FAM83H: variants seen among roughly 807,000 people sequenced by gnomAD.
FAM83H encodes scaffolding CK1 anchoring protein H, also known as protein FAM83H.
A neutral mutation model predicts 30.2 loss-of-function variants in FAM83H; 24 were observed. That is an observed-to-expected ratio of 0.79 (90% confidence interval 0.57 to 1.12). FAM83H has a LOEUF of 1.12. Among genes scored for constraint, FAM83H ranks in the 50% most tolerant of loss-of-function variants. FAM83H has a pLI of 0.00. For missense variants in FAM83H, 2,038 were observed against 1,773.9 expected (o/e 1.15, Z -2.67); for synonymous variants, 1,013 against 821.7 (o/e 1.23, Z -3.98).
intron 1 of FAM83H, chr8:143,732,202 G>C: frequency 1.0e-6 from 1 of 985,434 alleles, no homozygotes; most frequent in Non-Finnish European, 1.2e-6. Context: ...TGAGACATGG[G>C]AAATACCTGG....
Position 143,725,718 on chromosome 8 carries a change from T to A in FAM83H, c.*203A>T. ...GTGGCGAGGGGTGCAGCCCCAGCGTTGGGGAGGCCAGGGGGCAGAGACGGC... is the reference window on the plus strand; with the variant it reads ...GTGGCGAGGGGTGCAGCCCCAGCGTAGGGGAGGCCAGGGGGCAGAGACGGC... On this transcript the variant is annotated 3_prime_UTR_variant, in exon 5 of 5. Transcript: ENST00000388913. 1 of 795,598 alleles carries A rather than the reference T, an allele frequency of 1.3e-6. No individual in the cohort carries two copies. The highest frequency in any genetic ancestry group is 1.9e-6 in the Non-Finnish European group (1 of 512,888). The allele number at this position is 795,598 out of a possible 1,614,324, so 49.3% of individuals were successfully genotyped here.
At position 143,726,155 on chromosome 8, in the gene FAM83H, C is replaced by G; in HGVS notation, c.3306G>C (p.Gln1102His). Reference sequence around the variant, plus strand: ...CTGGCAGCGTGCGGCTCAGCCGGCCCTGGGTCCCCAAGCTGTCCGAGCGGA... The same window carrying G: ...CTGGCAGCGTGCGGCTCAGCCGGCCGTGGGTCCCCAAGCTGTCCGAGCGGA... The part of the protein sequence containing the change: ...AIFRSDSLGT[Q>H]GRLSRTLPAS... Residue 1102 changes from glutamine to histidine, a missense_variant, in exon 5 of 5, where the codon CAG becomes CAC. Gln to His is a conservative substitution (Grantham distance 24). Coordinates refer to ENST00000388913, the MANE Select transcript of FAM83H (RefSeq NM_198488.5). 1 of 1,611,864 alleles carries G rather than the reference C, an allele frequency of 6.2e-7. No individual in the cohort carries two copies. Among genetic ancestry groups the G allele is most frequent in the Non-Finnish European group, 8.5e-7 (1 of 1,179,516 alleles).
In FAM83H at chr8:143,727,805, G is replaced by A. The variant is rs1554622897; in HGVS notation, c.1656C>T (p.Ala552=). The part of the protein sequence containing the change: ...PNLTQRFPCQ[A]AARPGPDPAP... ...CGGGGTCTGGGCCCGGCCTCGCCGC[G>A]GCCTGGCATGGGAAGCGCTGGGTCA... is the stretch of plus-strand genomic sequence containing the variant. Residue 552 remains alanine, a synonymous_variant, in exon 5 of 5, where the codon GCC becomes GCT. Transcript: ENST00000388913. The A allele has an allele frequency of 1.7e-5, 23 of 1,338,732 alleles. No homozygotes were observed. Among genetic ancestry groups the A allele is most frequent in the East Asian group, 1.3e-4 (4 of 31,170 alleles). The allele number at this position is 1,338,732 out of a possible 1,614,324, so 82.9% of individuals were successfully genotyped here. A position where few individuals can be genotyped will look rare whatever the true frequency, so the allele number is the denominator to read the frequency against.
chr8:143,731,613 G>T, intron 1 of FAM83H: 1 of 985,436 alleles, frequency 1.0e-6, no homozygotes, highest in Non-Finnish European at 1.2e-6. Context: ...TCTTGTCACT[G>T]TCCCTCTCAG....
In FAM83H at chr8:143,725,857, G is replaced by A. The variant is rs1356955427; in HGVS notation, c.*64C>T. On this transcript the variant is annotated 3_prime_UTR_variant, in exon 5 of 5. Transcript: ENST00000388913. ...AGATGAGCAGGGCTCTCTGTTCCGC[G>A]GGGCTTCTGGATGACCGGGGCAGCG... is the stretch of plus-strand genomic sequence containing the variant. The A allele has an allele frequency of 1.3e-5, 21 of 1,587,480 alleles. No individual in the cohort carries two copies. The highest frequency in any genetic ancestry group is 4.5e-5 in the East Asian group (2 of 44,144).
At position 143,726,212 on chromosome 8, in the gene FAM83H, A is replaced by G. The variant is rs1554621628; in HGVS notation, c.3249T>C (p.Asp1083=). The change falls in exon 5 of 5, where the codon GAT becomes GAC. Residue 1083 remains aspartate, a synonymous_variant. Transcript: ENST00000388913. The part of the protein sequence containing the change: ...RPPAAGVLAP[D]MSDKDKCSAI... ...CTGAACACTTGTCCTTGTCGGACATATCTGGGGCCAGGACGCCAGCAGCCG... is the reference window on the plus strand; with the variant it reads ...CTGAACACTTGTCCTTGTCGGACATGTCTGGGGCCAGGACGCCAGCAGCCG... 1.2e-6 allele frequency: 2 copies of G among 1,612,264 alleles called. No homozygotes were observed. Among genetic ancestry groups the G allele is most frequent in the South Asian group, 1.1e-5 (1 of 91,064 alleles).
In FAM83H at chr8:143,725,964, T is replaced by G. The variant is rs1818273054; in HGVS notation, c.3497A>C (p.Lys1166Thr). 1.2e-6 allele frequency: 2 copies of G among 1,613,002 alleles called. No homozygotes were observed. The highest frequency in any genetic ancestry group is 3.3e-5 in the Admixed American group (2 of 60,018). The change falls in exon 5 of 5, where the codon AAG becomes ACG. Residue 1166 changes from lysine (K) to threonine (T), a missense_variant. Lys to Thr is a moderately conservative substitution (Grantham distance 78). Coordinates refer to ENST00000388913, the MANE Select transcript of FAM83H (RefSeq NM_198488.5). Reference protein sequence around the residue: ...EEGTRDSKVGKFVPKILGTFK... With the variant: ...EEGTRDSKVGTFVPKILGTFK... ...CGTGCCCAGGATCTTGGGCACGAAC[T>G]TGCCCACCTTGCTGTCCCTGGTGCC...
rs979829457 is a variant in FAM83H at position 143,730,229 on chromosome 8, C to G, written c.354G>C (p.Gln118His). Residue 118 changes from glutamine to histidine, a missense_variant, in exon 2 of 5, where the codon CAG becomes CAC. Physicochemically the swap from Gln to His is conservative, Grantham distance 24 (BLOSUM62 0). Coordinates refer to ENST00000388913, the MANE Select transcript of FAM83H (RefSeq NM_198488.5). ...GCACCAAGGTGGTCACCTCGGTGCC[C>G]TGGAAGCCGAAGGTCAGAGGCCAGC... ...DLGWPLTFGF[Q>H]GTEVTTLVQP... The G allele has an allele frequency of 6.2e-7, 1 of 1,613,390 alleles. No individual in the cohort carries two copies. Among genetic ancestry groups the G allele is most frequent in the East Asian group, 2.2e-5 (1 of 44,886 alleles).
Position 143,725,740 on chromosome 8 carries a change from C to T in FAM83H, c.*181G>A, listed in dbSNP as rs1463245504. 3 of 1,063,186 alleles carry T rather than the reference C, an allele frequency of 2.8e-6. No individual in the cohort carries two copies. The highest frequency in any genetic ancestry group is 1.6e-5 in the African/African-American group (1 of 62,742). 65.9% of individuals were successfully genotyped at this position (1,063,186 alleles called of 1,614,324 possible). A position where few individuals can be genotyped will look rare whatever the true frequency, so the allele number is the denominator to read the frequency against. On this transcript the variant is annotated 3_prime_UTR_variant, in exon 5 of 5. Coordinates refer to ENST00000388913, the MANE Select transcript of FAM83H (RefSeq NM_198488.5). ...CGTTGGGGAGGCCAGGGGGCAGAGA[C>T]GGCAGCTGCCAGGTGAGCCTCCAGT...
rs1171794553 is a variant in FAM83H, at chr8:143,733,705, G to A, written c.-30C>T. ...GGGGGCCCTACCTGGCCAGGTGCGCGGGGTCTCGGCACAGGGGCAGCAGGA... is the reference window on the plus strand; with the variant it reads ...GGGGGCCCTACCTGGCCAGGTGCGCAGGGTCTCGGCACAGGGGCAGCAGGA... On this transcript the variant is annotated 5_prime_UTR_variant, in exon 1 of 5. Coordinates refer to ENST00000388913, the MANE Select transcript of FAM83H (RefSeq NM_198488.5). This position sits in a 1 kb window ranked among gnomAD's most constrained non-coding sequence, Gnocchi z 5.6. 6.7e-6 allele frequency: 1 copy of A among 150,108 alleles called. No individual in the cohort carries two copies. Among genetic ancestry groups the A allele is most frequent in the Non-Finnish European group, 1.5e-5 (1 of 67,220 alleles). The allele number at this position is 150,108 out of a possible 1,614,324, so 9.3% of individuals were successfully genotyped here. A position where few individuals can be genotyped will look rare whatever the true frequency, so the allele number is the denominator to read the frequency against.
chr8:143,727,612 C>T lies in FAM83H; in HGVS notation c.1849G>A (p.Gly617Arg), dbSNP rs782083959. 21 of 1,578,850 alleles carry T rather than the reference C, an allele frequency of 1.3e-5. No individual in the cohort carries two copies. In the East Asian group the frequency reaches 1.6e-4, roughly 12 times the overall value. Residue 617 changes from glycine to arginine, a missense_variant, in exon 5 of 5, where the codon GGG becomes AGG. Coordinates refer to ENST00000388913, the MANE Select transcript of FAM83H (RefSeq NM_198488.5). ...EAYEDDVLAP[G>R]GRAPAGDLLP... ...AGGTCGCCGGCAGGTGCCCGGCCCC[C>T]GGGAGCCAGCACGTCGTCTTCGTAA...
chr8:143,726,138 G>T lies in FAM83H; in HGVS notation c.3323C>A (p.Thr1108Lys). 6.2e-7 allele frequency: 1 copy of T among 1,611,532 alleles called. No homozygotes were observed. Among genetic ancestry groups the T allele is most frequent in the Non-Finnish European group, 8.5e-7 (1 of 1,179,372 alleles). ...GCGCTCCTCCGCGCTGGCTGGCAGC[G>T]TGCGGCTCAGCCGGCCCTGGGTCCC... is the stretch of plus-strand genomic sequence containing the variant. ...SLGTQGRLSR[T>K]LPASAEERDR... The change falls in exon 5 of 5, where the codon ACG becomes AAG. Residue 1108 changes from threonine to lysine, a missense_variant. Physicochemically the swap from Thr to Lys is moderately conservative, Grantham distance 78. Coordinates refer to ENST00000388913, the MANE Select transcript of FAM83H (RefSeq NM_198488.5).
At chr8:143,730,103 T>C (rs1361155385) in intron 2 of FAM83H, 33 bp downstream of exon 2, 27 of 1,490,862 alleles carry the variant, frequency 1.8e-5, no homozygotes, top group Non-Finnish European at 2.3e-5. Context: ...CCCAGGCCCC[T>C]CCCCCACTAC....
rs943110242 is a variant in FAM83H at position 143,731,475 on chromosome 8, T to G, written c.-15-878A>C. On this transcript the variant is annotated intron_variant, in intron 1 of 4. Coordinates refer to ENST00000388913, the MANE Select transcript of FAM83H (RefSeq NM_198488.5). ...AGTCCCGGGCCACACCTCCTCCCCATCCTCAGGGTTTCACAATTGGGCTCC... is the reference window on the plus strand; with the variant it reads ...AGTCCCGGGCCACACCTCCTCCCCAGCCTCAGGGTTTCACAATTGGGCTCC... The G allele has an allele frequency of 9.1e-6, 9 of 985,380 alleles. No individual in the cohort carries two copies. The African/African-American group carries it at 1.6e-4, about 17-fold the overall frequency. 61.0% of individuals were successfully genotyped at this position (985,380 alleles called of 1,614,324 possible). A position where few individuals can be genotyped will look rare whatever the true frequency, so the allele number is the denominator to read the frequency against.
chr8:143,727,110 C>T lies in FAM83H; in HGVS notation c.2351G>A (p.Arg784His), dbSNP rs782644576. Residue 784 changes from arginine (R) to histidine (H), a missense_variant, in exon 5 of 5, where the codon CGC becomes CAC. Physicochemically the swap from Arg to His is conservative, Grantham distance 29 (BLOSUM62 0). Coordinates refer to ENST00000388913, the MANE Select transcript of FAM83H (RefSeq NM_198488.5). Reference sequence around the variant, plus strand: ...GTCCAGCAGGCAGCTCTCGAGGCTGCGGCGCTCGCCCCCCACGGCACCTGG... The same window carrying T: ...GTCCAGCAGGCAGCTCTCGAGGCTGTGGCGCTCGCCCCCCACGGCACCTGG... Reference protein sequence around the residue: ...AAPGAVGGERRSLESCLLDLR... With the variant: ...AAPGAVGGERHSLESCLLDLR... 1.2e-5 allele frequency: 18 copies of T among 1,535,768 alleles called. 2 individuals carry two copies. The South Asian group carries it at 1.8e-4, about 15-fold the overall frequency.
rs781849797 is a variant in FAM83H, at chr8:143,726,983, G to A, written c.2478C>T (p.Ser826=). The A allele has an allele frequency of 1.9e-6, 3 of 1,597,188 alleles. No homozygotes were observed. Among genetic ancestry groups the A allele is most frequent in the East Asian group, 2.3e-5 (1 of 44,158 alleles). The part of the protein sequence containing the change: ...AAQLLDTLGR[S]GSDRLPSRFL... ...AGCGGGAAGGCAGGCGGTCGGAGCC[G>A]CTCCGGCCCAGTGTGTCGAGCAGCT... The change falls in exon 5 of 5, where the codon AGC becomes AGT. Residue 826 remains serine (S), a synonymous_variant. Transcript: ENST00000388913.
chr8:143,728,687 C>T lies in FAM83H; in HGVS notation c.774G>A (p.Leu258=), dbSNP rs918044882. 5 of 1,601,602 alleles carry T rather than the reference C, an allele frequency of 3.1e-6. No individual in the cohort carries two copies. Among genetic ancestry groups the T allele is most frequent in the Admixed American group, 1.7e-5 (1 of 60,020 alleles). The part of the protein sequence containing the change: ...MWSFEKIHRS[L]AHVFQGELVS... ...CCAGCTCTCCTTGGAACACGTGCGC[C>T]AGGCTGCGGTGGATCTTCTCAAAGG... Residue 258 remains leucine, a synonymous_variant, in exon 5 of 5, where the codon CTG becomes CTA. Coordinates refer to ENST00000388913, the MANE Select transcript of FAM83H (RefSeq NM_198488.5).
rs781987687 is a variant in FAM83H at position 143,726,168 on chromosome 8, C to A, written c.3293G>T (p.Ser1098Ile). 103 of 1,611,996 alleles carry A rather than the reference C, an allele frequency of 6.4e-5. No homozygotes were observed. The highest frequency in any genetic ancestry group is 8.1e-5 in the Non-Finnish European group (95 of 1,179,648). The change falls in exon 5 of 5, where the codon AGC becomes ATC. Residue 1098 changes from serine to isoleucine, a missense_variant. By Grantham distance (142) the Ser-to-Ile change is moderately radical. Transcript: ENST00000388913. ...DKCSAIFRSD[S>I]LGTQGRLSRT... The stretch of plus-strand genomic sequence containing the variant: ...GCTCAGCCGGCCCTGGGTCCCCAAG[C>A]TGTCCGAGCGGAAGATGGCTGAACA...
At chr8:143,728,910 G>A (rs2129681545) in intron 4 of FAM83H, 57 bp downstream of exon 4, 2 of 1,611,350 alleles carry the variant, frequency 1.2e-6, no homozygotes, top group Non-Finnish European at 1.7e-6. Context: ...GAAAGGGGGT[G>A]CTGGGGTTAC....
Sources: gnomAD v4.1 joint callset for allele counts on GRCh38, gnomAD v4.1.1 for gene constraint, Gnocchi (gnomAD v3.1) non-coding constraint, MANE v1.5 for transcripts, NCBI Gene and HGNC (gene_info 2026-07-23, HGNC 2026-07-21) for gene names.